PHETA1: variants seen among roughly 807,000 people sequenced by gnomAD.
PHETA1 encodes the protein sesquipedalian-1.
For synonymous variants in PHETA1, 155 were observed against 168.9 expected (o/e 0.92, Z 0.64); for missense variants, 348 against 373.5 (o/e 0.93, Z 0.56).
Position 111,362,837 on chromosome 12 carries a change from GA to G in PHETA1, c.590del (p.Phe197SerfsTer106). ...GCAVWSTEAT[F>X]RPGPEPPPPP... ...GTGGAGGGGGCTCGGGTCCAGGCCT[GA>G]AGGTGGCCTCAGTGCTCCAGACAGC... On this transcript the variant is annotated frameshift_variant, in exon 3 of 3. Coordinates refer to ENST00000683047, the MANE Select transcript of PHETA1 (RefSeq NM_144671.6). LOFTEE classifies it low-confidence loss of function (END_TRUNC). 6.5e-7 allele frequency: 1 copy of G among 1,538,972 alleles called. No homozygotes were observed.
Position 111,363,798 on chromosome 12 carries a change from G to A in PHETA1, c.-36-335C>T. The A allele has an allele frequency of 7.8e-7, 1 of 1,284,748 alleles. No individual in the cohort carries two copies. The allele number at this position is 1,284,748 out of a possible 1,614,324, so 79.6% of individuals were successfully genotyped here. On this transcript the variant is annotated intron_variant, in intron 2 of 2. Transcript: ENST00000683047. This position sits in a 1 kb window ranked among gnomAD's most constrained non-coding sequence, Gnocchi z 7.4. ...ACCTTAGGTCACAGGGACTGGCCTG[G>A]CACCAGTGCAACAGATGAGGAAACA...
In PHETA1 at chr12:111,363,390, G is replaced by C; in HGVS notation, c.38C>G (p.Thr13Ser). 1 of 1,612,818 alleles carries C rather than the reference G, an allele frequency of 6.2e-7. No homozygotes were observed. The highest frequency in any genetic ancestry group is 8.5e-7 in the Non-Finnish European group (1 of 1,179,766). The part of the protein sequence containing the change: ...LNERSLAFYA[T>S]CDAPVDNAGF... ...TGCATTGTCCACCGGGGCGTCACAG[G>C]TGGCGTAGAAGGCCAGGCTGCGCTC... The change falls in exon 3 of 3, where the codon ACC becomes AGC. Residue 13 changes from threonine (T) to serine (S), a missense_variant. Physicochemically the swap from Thr to Ser is moderately conservative, Grantham distance 58. Coordinates refer to ENST00000683047, the MANE Select transcript of PHETA1 (RefSeq NM_144671.6). The surrounding 1 kb of genome is among the most constrained non-coding windows in gnomAD (Gnocchi z 7.4).
chr12:111,365,713 T>G, intron 2 of PHETA1: 1 of 301,214 alleles, frequency 3.3e-6, no homozygotes, highest in East Asian at 1.3e-4. Flanking sequence ...AGTTGAACAA[T>G]GAGACACATG....
Position 111,362,134 on chromosome 12 carries a change from G to A in PHETA1, c.*544C>T, listed in dbSNP as rs148011393. ...CCCAGTCACTACCCTCCCAGCCACC[G>A]TCCTGCTCCTGGAGGCAGGCAGGCA... On this transcript the variant is annotated 3_prime_UTR_variant, in exon 3 of 3. Coordinates refer to ENST00000683047, the MANE Select transcript of PHETA1 (RefSeq NM_144671.6). 2.5e-4 allele frequency: 97 copies of A among 392,436 alleles called. No individual in the cohort carries two copies. The East Asian group carries it at 5.3e-3, about 22-fold the overall frequency. 24.3% of individuals were successfully genotyped at this position (392,436 alleles called of 1,614,324 possible).
At chr12:111,366,371 T>C (rs980713209) in intron 1 of PHETA1, 114 bp from the exon 2 acceptor site, 1 of 153,656 alleles carries the variant, frequency 6.5e-6, no homozygotes, top group East Asian at 1.9e-4. Context: ...CTGAGCGCGG[T>C]TGCAGTTCAC....
At chr12:111,364,678 C>G (rs571529469) in intron 2 of PHETA1, among the ~76,000 whole-genome samples, 1 of 151,722 alleles carries the variant, frequency 6.6e-6, no homozygotes, top group Non-Finnish European at 1.5e-5. Flanking sequence ...GCAGAAGAAT[C>G]GCTTGAACCC....
Position 111,362,906 on chromosome 12 carries a change from C to A in PHETA1, c.522G>T (p.Leu174=). ...GCGGGAGGGCACTGGGCCGGCGGGGCAGGGGCAGGGCTGGGACCGGGGCTG... is the reference window on the plus strand; with the variant it reads ...GCGGGAGGGCACTGGGCCGGCGGGGAAGGGGCAGGGCTGGGACCGGGGCTG... ...SAPAPVPALP[L]PRRPSALPPK... Residue 174 remains leucine, a synonymous_variant, in exon 3 of 3, where the codon CTG becomes CTT. Transcript: ENST00000683047. The A allele has an allele frequency of 6.6e-7, 1 of 1,507,612 alleles. No homozygotes were observed. Among genetic ancestry groups the A allele is most frequent in the Admixed American group, 2.1e-5 (1 of 47,668 alleles). The allele number at this position is 1,507,612 out of a possible 1,614,324, so 93.4% of individuals were successfully genotyped here.
chr12:111,363,190 C>A lies in PHETA1; in HGVS notation c.238G>T (p.Ala80Ser). 9 of 1,612,864 alleles carry A rather than the reference C, an allele frequency of 5.6e-6. No homozygotes were observed. The highest frequency in any genetic ancestry group is 7.6e-6 in the Non-Finnish European group (9 of 1,179,880). Reference sequence around the variant, plus strand: ...GCCCGGGTCCCCGCAAAGCGCACAGCGAAGGCGAACTCCTCGGCGGCCTCC... The same window carrying A: ...GCCCGGGTCCCCGCAAAGCGCACAGAGAAGGCGAACTCCTCGGCGGCCTCC... ...LVEAAEEFAFAVRFAGTRART... is the reference protein window; with the variant it reads ...LVEAAEEFAFSVRFAGTRART... The change falls in exon 3 of 3, where the codon GCT (alanine) becomes TCT (serine). Residue 80 changes from alanine (A) to serine (S), a missense_variant. By Grantham distance (99) the Ala-to-Ser change is moderately conservative. Coordinates refer to ENST00000683047, the MANE Select transcript of PHETA1 (RefSeq NM_144671.6). The surrounding 1 kb of genome is among the most constrained non-coding windows in gnomAD (Gnocchi z 7.4).
rs1221699929 is a variant in PHETA1 at position 111,361,790 on chromosome 12, TG to T, written c.*887del. On this transcript the variant is annotated 3_prime_UTR_variant, in exon 3 of 3. Transcript: ENST00000683047. ...GAGTCAGCTGGTGGCCTCCCCTCCC[TG>T]GGGGAACCTGCTAGAAGGTCACCTC... 1.9e-5 allele frequency: 8 copies of T among 419,904 alleles called. No individual in the cohort carries two copies. Among genetic ancestry groups the T allele is most frequent in the Non-Finnish European group, 2.9e-5 (6 of 207,974 alleles). The allele number at this position is 419,904 out of a possible 1,614,324, so 26.0% of individuals were successfully genotyped here.
chr12:111,362,738 G>GCA lies in PHETA1; in HGVS notation c.688_689dup (p.Tyr231AlafsTer73). On this transcript the variant is annotated frameshift_variant, in exon 3 of 3. Transcript: ENST00000683047. LOFTEE classifies it low-confidence loss of function (END_TRUNC). The stretch of plus-strand genomic sequence containing the variant: ...GCAGGGCCCGGATCTCCTGGCCATA[G>GCA]CACTCGTGCAGCCGGGCGAAGGGGG... 6.5e-7 allele frequency: 1 copy of GCA among 1,544,354 alleles called. No homozygotes were observed. Among genetic ancestry groups the GCA allele is most frequent in the Non-Finnish European group, 8.7e-7 (1 of 1,145,622 alleles).
In PHETA1 at chr12:111,362,536, C is replaced by T. The variant is rs1868676468; in HGVS notation, c.*142G>A. 1 of 1,527,950 alleles carries T rather than the reference C, an allele frequency of 6.5e-7. No individual in the cohort carries two copies. Among genetic ancestry groups the T allele is most frequent in the African/African-American group, 1.4e-5 (1 of 72,780 alleles). The allele number at this position is 1,527,950 out of a possible 1,614,324, so 94.6% of individuals were successfully genotyped here. On this transcript the variant is annotated 3_prime_UTR_variant, in exon 3 of 3. Coordinates refer to ENST00000683047, the MANE Select transcript of PHETA1 (RefSeq NM_144671.6). ...CAGCACCTTCTCAGAGCCTGCATCCCCCAAAACCAGGCCACTCAGGGCCTG... is the reference window on the plus strand; with the variant it reads ...CAGCACCTTCTCAGAGCCTGCATCCTCCAAAACCAGGCCACTCAGGGCCTG...
At chr12:111,365,254 G>C (rs1198375694) in intron 2 of PHETA1, among the ~76,000 whole-genome samples, 2 of 152,214 alleles carry the variant, frequency 1.3e-5, no homozygotes, top group Admixed American at 1.3e-4. Flanking sequence ...AGAAGCAAAG[G>C]ATATAAAGTC....
In PHETA1 at chr12:111,368,993, G is replaced by C. The variant is rs1869195856; in HGVS notation, c.-263C>G. On this transcript the variant is annotated 5_prime_UTR_variant, in exon 1 of 3. Transcript: ENST00000683047. This position sits in a 1 kb window ranked among gnomAD's most constrained non-coding sequence, Gnocchi z 5.0. ...CCCGGCCATGGTTCGGGACTGGCCC[G>C]GTGGCGGCGACGGCGGCGGCAGCGC... The C allele has an allele frequency of 6.5e-6, 1 of 152,942 alleles. No homozygotes were observed. 9.5% of individuals were successfully genotyped at this position (152,942 alleles called of 1,614,324 possible).
chr12:111,363,165 G>A lies in PHETA1; in HGVS notation c.263C>T (p.Ala88Val), dbSNP rs367544379. The change falls in exon 3 of 3, where the codon GCG becomes GTG. Residue 88 changes from alanine to valine, a missense_variant. By Grantham distance (64) the Ala-to-Val change is moderately conservative (BLOSUM62 0). Coordinates refer to ENST00000683047, the MANE Select transcript of PHETA1 (RefSeq NM_144671.6). The surrounding 1 kb of genome is among the most constrained non-coding windows in gnomAD (Gnocchi z 7.4). ...CTCAGCGGCCAGCACGTAGGTGCGC[G>A]CCCGGGTCCCCGCAAAGCGCACAGC... The part of the protein sequence containing the change: ...AFAVRFAGTR[A>V]RTYVLAAESQ... The A allele has an allele frequency of 7.4e-6, 12 of 1,611,704 alleles. No individual in the cohort carries two copies. In the East Asian group the frequency reaches 8.9e-5, roughly 12 times the overall value.
At position 111,362,843 on chromosome 12, in the gene PHETA1, G is replaced by A. The variant is rs1868727392; in HGVS notation, c.585C>T (p.Ala195=). ...ENGCAVWSTE[A]TFRPGPEPPP... ...GGGGCTCGGGTCCAGGCCTGAAGGT[G>A]GCCTCAGTGCTCCAGACAGCGCAGC... Residue 195 remains alanine (A), a synonymous_variant, in exon 3 of 3, where the codon GCC becomes GCT. Coordinates refer to ENST00000683047, the MANE Select transcript of PHETA1 (RefSeq NM_144671.6). 6.5e-7 allele frequency: 1 copy of A among 1,538,758 alleles called. No individual in the cohort carries two copies. The highest frequency in any genetic ancestry group is 8.7e-7 in the Non-Finnish European group (1 of 1,145,836).
Position 111,363,871 on chromosome 12 carries a change from G to T in PHETA1, c.-36-408C>A. On this transcript the variant is annotated intron_variant, in intron 2 of 2. Transcript: ENST00000683047. This position sits in a 1 kb window ranked among gnomAD's most constrained non-coding sequence, Gnocchi z 7.4. ...TTCCCTGGTGTCACAAAGCAGGTTG[G>T]GCAGGGCTGAAATCCAAACCCAGGC... 1.5e-6 allele frequency: 1 copy of T among 663,790 alleles called. No individual in the cohort carries two copies. Among genetic ancestry groups the T allele is most frequent in the Non-Finnish European group, 2.2e-6 (1 of 457,382 alleles). 41.1% of individuals were successfully genotyped at this position (663,790 alleles called of 1,614,324 possible). A position where few individuals can be genotyped will look rare whatever the true frequency, so the allele number is the denominator to read the frequency against.
rs781116387 is a variant in PHETA1 at position 111,363,168 on chromosome 12, C to T, written c.260G>A (p.Arg87Gln). 23 of 1,611,946 alleles carry T rather than the reference C, an allele frequency of 1.4e-5. No homozygotes were observed. Among genetic ancestry groups the T allele is most frequent in the Middle Eastern group, 1.6e-4 (1 of 6,082 alleles). ...AGCGGCCAGCACGTAGGTGCGCGCCCGGGTCCCCGCAAAGCGCACAGCGAA... is the reference window on the plus strand; with the variant it reads ...AGCGGCCAGCACGTAGGTGCGCGCCTGGGTCCCCGCAAAGCGCACAGCGAA... ...FAFAVRFAGT[R>Q]ARTYVLAAES... is the part of the protein sequence containing the mutation. Residue 87 changes from arginine to glutamine, a missense_variant, in exon 3 of 3, where the codon CGG becomes CAG. Arg to Gln is a conservative substitution (Grantham distance 43). Coordinates refer to ENST00000683047, the MANE Select transcript of PHETA1 (RefSeq NM_144671.6). This position sits in a 1 kb window ranked among gnomAD's most constrained non-coding sequence, Gnocchi z 7.4.
chr12:111,361,699 G>A lies in PHETA1; in HGVS notation c.*979C>T, dbSNP rs1868612224. 3 of 350,476 alleles carry A rather than the reference G, an allele frequency of 8.6e-6. No individual in the cohort carries two copies. The highest frequency in any genetic ancestry group is 2.3e-5 in the African/African-American group (1 of 43,438). The allele number at this position is 350,476 out of a possible 1,614,324, so 21.7% of individuals were successfully genotyped here. ...TGCCTGGAGCTGAAGAGGGGCTCTG[G>A]AAGCCACACTCGGTGTGCGGCTTTT... On this transcript the variant is annotated 3_prime_UTR_variant, in exon 3 of 3. Coordinates refer to ENST00000683047, the MANE Select transcript of PHETA1 (RefSeq NM_144671.6).
rs1327947927 is a variant in PHETA1 at position 111,362,331 on chromosome 12, G to A, written c.*347C>T. On this transcript the variant is annotated 3_prime_UTR_variant, in exon 3 of 3. Coordinates refer to ENST00000683047, the MANE Select transcript of PHETA1 (RefSeq NM_144671.6). ...CTCAGTCCCAGTGACCCTCTGAGCT[G>A]CAGGCCCGGCAATGCCTGTTGCCAG... 3.2e-5 allele frequency: 16 copies of A among 503,344 alleles called. No individual in the cohort carries two copies. The highest frequency in any genetic ancestry group is 5.4e-4 in the Middle Eastern group (1 of 1,854). 31.2% of individuals were successfully genotyped at this position (503,344 alleles called of 1,614,324 possible).
Sources: allele counts gnomAD v4.1 joint callset (sites outside exome capture counted in the v4.1 genomes callset), GRCh38; gene constraint gnomAD v4.1.1; non-coding constraint Gnocchi (gnomAD v3.1); transcripts MANE v1.5; gene names NCBI Gene and HGNC (gene_info 2026-07-23, HGNC 2026-07-21).